Variants in CDH12 observed in about 807,000 individuals in gnomAD.
CDH12 encodes the protein cadherin-12.
A neutral mutation model predicts 74.1 loss-of-function variants in CDH12; 41 were observed. That is an observed-to-expected ratio of 0.55 (90% confidence interval 0.43 to 0.72). The LOEUF (loss-of-function observed/expected upper bound fraction) is 0.72, where lower values mean the gene tolerates loss of function less well. Ranked by LOEUF, CDH12 falls within the 30% of genes least tolerant of loss-of-function variation. The pLI, the probability that CDH12 is intolerant of heterozygous loss-of-function variation, is 0.00. For synonymous variants in CDH12, 399 were observed against 355.0 expected (o/e 1.12, Z -1.39); for missense variants, 945 against 977.2 (o/e 0.97, Z 0.44).
intron 1 of CDH12, among the ~76,000 whole-genome samples, chr5:22,839,581 G>A (rs1489468641): frequency 2.6e-5 from 4 of 151,706 alleles, no homozygotes; most frequent in Non-Finnish European, 5.9e-5. Context: ...GGTCTTGAAC[G>A]CCTGACACAT....
At position 21,755,768 on chromosome 5, in the gene CDH12, C is replaced by A. The variant is rs777932331; in HGVS notation, c.1708G>T (p.Val570Leu). 8.1e-6 allele frequency: 13 copies of A among 1,613,906 alleles called. No homozygotes were observed. In the Admixed American group the frequency reaches 1.3e-4, roughly 17 times the overall value. The change falls in exon 14 of 15, where the codon GTA becomes TTA. Residue 570 changes from valine (V) to leucine (L), a missense_variant. Val to Leu is a conservative substitution (Grantham distance 32, BLOSUM62 1). Around this residue, in one of 3 missense-constraint regions of CDH12, gnomAD observed 791 missense variants for 792.8 expected, o/e 1.00. Transcript: ENST00000382254. ...RQQELYFLPV[V>L]IEDSSYPVQS... ...ACAGGGTAGCTGCTGTCTTCTATTA[C>A]AACAGGGAGGAAATACAACTCTTGC...
intron 1 of CDH12, among the ~76,000 whole-genome samples, chr5:22,830,423 C>A (rs1307900627): frequency 6.6e-6 from 1 of 151,788 alleles, no homozygotes; most frequent in Non-Finnish European, 1.5e-5. Flanking sequence ...TGTGAATGAA[C>A]CCTAATCAGA....
intron 1 of CDH12, among the ~76,000 whole-genome samples, chr5:22,791,967 C>T (rs752505690): frequency 1.5e-4 from 23 of 152,060 alleles, no homozygotes; most frequent in Non-Finnish European, 2.8e-4. Context: ...AATTAACATA[C>T]GTCTTCTCTA....
At chr5:21,989,176 T>G (rs1396539385) in intron 5 of CDH12, among the ~76,000 whole-genome samples, 1 of 152,178 alleles carries the variant, frequency 6.6e-6, no homozygotes, top group East Asian at 1.9e-4. Flanking sequence ...TTGTCAACAA[T>G]AAGAATTGTA....
chr5:22,106,957 T>G (rs1340216443), intron 4 of CDH12, among the ~76,000 whole-genome samples: 1 of 152,116 alleles, frequency 6.6e-6, no homozygotes, highest in East Asian at 1.9e-4. Context: ...ACTCAGATGA[T>G]AGGAGGAACA....
At chr5:22,231,297 A>C (rs1752374598) in intron 3 of CDH12, among the ~76,000 whole-genome samples, 2 of 152,166 alleles carry the variant, frequency 1.3e-5, no homozygotes, top group Non-Finnish European at 2.9e-5. Flanking sequence ...GCTCAAATTT[A>C]TTCCCACCTC....
chr5:22,595,556 C>T (rs1736563344), intron 1 of CDH12, among the ~76,000 whole-genome samples: 1 of 152,092 alleles, frequency 6.6e-6, no homozygotes, highest in South Asian at 2.1e-4. Flanking sequence ...TTCATATTCA[C>T]TGTAAATTTT....
At chr5:22,667,058 A>T (rs561556141) in intron 1 of CDH12, among the ~76,000 whole-genome samples, 2 of 152,188 alleles carry the variant, frequency 1.3e-5, no homozygotes, top group Non-Finnish European at 2.9e-5. Flanking sequence ...TGCACACATT[A>T]GTCCTTCTAC....
chr5:22,417,460 C>T (rs1743446928), intron 2 of CDH12, among the ~76,000 whole-genome samples: 1 of 152,204 alleles, frequency 6.6e-6, no homozygotes, highest in Non-Finnish European at 1.5e-5. Flanking sequence ...TTCATGCCTA[C>T]TCTTTCACAT....
At chr5:22,545,197 A>G (rs1356385892) in intron 1 of CDH12, among the ~76,000 whole-genome samples, 1 of 152,168 alleles carries the variant, frequency 6.6e-6, no homozygotes, top group Non-Finnish European at 1.5e-5. Context: ...AGTTCAAAGG[A>G]CTTTGAGAGG....
At chr5:22,380,707 C>T (rs1741724981) in intron 3 of CDH12, among the ~76,000 whole-genome samples, 1 of 152,076 alleles carries the variant, frequency 6.6e-6, no homozygotes, top group South Asian at 2.1e-4. Flanking sequence ...TTAAATTAGT[C>T]ATCTCATACC....
rs1055199877 is a variant in CDH12 at position 21,830,199 on chromosome 5, C to CAAAAAAAAAA, written c.814+11952_814+11961dup. Among the ~76,000 whole-genome samples, 187 of 25,262 alleles carry CAAAAAAAAAA rather than the reference C, an allele frequency of 7.4e-3. 16 individuals carry two copies. Among genetic ancestry groups the CAAAAAAAAAA allele is most frequent in the African/African-American group, 0.012 (103 of 8,282 alleles). The allele number at this position is 25,262 out of a possible 152,430, so 16.6% of individuals were successfully genotyped here. A position where few individuals can be genotyped will look rare whatever the true frequency, so the allele number is the denominator to read the frequency against. Reference sequence around the variant, plus strand: ...GGGTGACAACAGTGAAACTCCTTCTCAAAAAAAAAAAAAAAAAAAAAAAAA... The same window carrying CAAAAAAAAAA: ...GGGTGACAACAGTGAAACTCCTTCTCAAAAAAAAAAAAAAAAAAAAAAAAAAAAAAAAAAA... On this transcript the variant is annotated intron_variant, in intron 8 of 14. Transcript: ENST00000382254.
chr5:22,308,813 C>CATAA (rs747685683), intron 3 of CDH12, among the ~76,000 whole-genome samples: 1 of 135,016 alleles, frequency 7.4e-6, no homozygotes, highest in Non-Finnish European at 1.6e-5. Context: ...TACACAAACA[C>CATAA]ACACACACAC....
At chr5:22,690,240 T>C (rs1402407459) in intron 1 of CDH12, among the ~76,000 whole-genome samples, 1 of 152,144 alleles carries the variant, frequency 6.6e-6, no homozygotes, top group Non-Finnish European at 1.5e-5. Flanking sequence ...TCCTTGGTTT[T>C]AGTGAATCTT....
chr5:22,840,743 CAGG>C (rs1737046161), intron 1 of CDH12, among the ~76,000 whole-genome samples: 2 of 151,798 alleles, frequency 1.3e-5, no homozygotes, highest in African/African-American at 2.4e-5. Context: ...AAACGTAGAC[CAGG>C]ATAAGGAAAT....
intron 3 of CDH12, among the ~76,000 whole-genome samples, chr5:22,369,412 T>C (rs1741175297): frequency 1.3e-5 from 2 of 152,132 alleles, no homozygotes; most frequent in South Asian, 2.1e-4. Flanking sequence ...TCCACCATTT[T>C]TTTCCTAGAA....
At chr5:21,891,603 T>A (rs202225820) in intron 6 of CDH12, among the ~76,000 whole-genome samples, 1 of 36,044 alleles carries the variant, frequency 2.8e-5, no homozygotes, top group East Asian at 1.4e-3. Flanking sequence ...ACACACACAC[T>A]CTTTCTGGCA....
At position 21,975,341 on chromosome 5, in the gene CDH12, G is replaced by A. The variant is rs773692580; in HGVS notation, c.276C>T (p.Thr92=). 9 of 1,597,040 alleles carry A rather than the reference G, an allele frequency of 5.6e-6. No individual in the cohort carries two copies. The Admixed American group carries it at 1.2e-4, about 21-fold the overall frequency. ...CGGTGCCAGCGCCATCTCCTGAGAG[G>A]GTGTATTTCACAGTGCCCTCTCCCT... ...LDKGEGTVKY[T]LSGDGAGTVF... is the part of the protein sequence containing the mutation. Residue 92 remains threonine (T), a synonymous_variant, in exon 6 of 15, where the codon ACC becomes ACT. Coordinates refer to ENST00000382254, the MANE Select transcript of CDH12 (RefSeq NM_004061.5).
chr5:22,308,786 A>G (rs550310412), intron 3 of CDH12, among the ~76,000 whole-genome samples: 4 of 150,234 alleles, frequency 2.7e-5, no homozygotes, highest in Admixed American at 6.7e-5. Flanking sequence ...GCCTACAACA[A>G]TGCCCACAAG....
Sources: gnomAD v4.1 joint callset for allele counts (sites outside exome capture counted in the v4.1 genomes callset) on GRCh38, gnomAD v4.1.1 for gene constraint, gnomAD v4.1.1 regional missense constraint, MANE v1.5 for transcripts, NCBI Gene and HGNC (gene_info 2026-07-23, HGNC 2026-07-21) for gene names.